The following MEIG1 variants were observed in gnomAD, a reference collection of about 807,000 sequenced individuals.
The protein encoded by MEIG1 is meiosis expressed gene 1 protein homolog.
A neutral mutation model predicts 11.3 loss-of-function variants in MEIG1; 12 were observed. That is an observed-to-expected ratio of 1.07 (90% CI 0.68 to 1.73). The LOEUF is 1.73. MEIG1 is among the 40% of genes most tolerant of loss of function. The pLI, the probability that MEIG1 is intolerant of heterozygous loss-of-function variation, is 0.00. For missense variants in MEIG1, 119 were observed against 104.9 expected, an observed-to-expected ratio of 1.13 and a Z score of -0.59; for synonymous variants, 41 against 33.2, an observed-to-expected ratio of 1.24 and a Z score of -0.81.
chr10:14,962,511 C>G (rs1363273454), intron 1 of MEIG1, among the ~76,000 whole-genome samples: 8 of 152,162 alleles, frequency 5.3e-5, no homozygotes, highest in Non-Finnish European at 1.2e-4. Flanking sequence ...AGCATATTTT[C>G]TGCTCTTCTA....
chr10:14,965,404 A>G (rs531175082), intron 1 of MEIG1, among the ~76,000 whole-genome samples: 1 of 152,326 alleles, frequency 6.6e-6, no homozygotes, highest in East Asian at 1.9e-4. Context: ...AAAGTCGTAT[A>G]TTAGACTTTC....
chr10:14,986,474 A>G (rs1413728213), intron 1 of MEIG1, among the ~76,000 whole-genome samples: 1 of 152,236 alleles, frequency 6.6e-6, no homozygotes. Context: ...ATACTGTACT[A>G]TCAAACACTA....
chr10:14,955,972 A>G (rs1198026442), upstream of MEIG1, among the ~76,000 whole-genome samples: 1 of 152,222 alleles, frequency 6.6e-6, no homozygotes, highest in Non-Finnish European at 1.5e-5. Flanking sequence ...TTCTGCTGTG[A>G]GTCTAGTGTC....
At chr10:14,955,080 C>T (rs560527068), upstream of MEIG1, among the ~76,000 whole-genome samples, 8 of 152,306 alleles carry the variant, frequency 5.3e-5, no homozygotes, top group East Asian at 1.4e-3. Flanking sequence ...TACAGGCACG[C>T]GCCGCCACGC....
chr10:14,960,899 C>A (rs1255292698), intron 1 of MEIG1, among the ~76,000 whole-genome samples: 1 of 152,062 alleles, frequency 6.6e-6, no homozygotes, highest in Non-Finnish European at 1.5e-5. Context: ...CATGGTGGCG[C>A]ATGCCTGTAA....
At chr10:14,982,194 C>T (rs1353854766) in intron 1 of MEIG1, among the ~76,000 whole-genome samples, 1 of 152,180 alleles carries the variant, frequency 6.6e-6, no homozygotes, top group Admixed American at 6.5e-5. Context: ...TGAATGACCT[C>T]AGAGACCTTG....
At chr10:14,958,426 G>A (rs1842973226), upstream of MEIG1, among the ~76,000 whole-genome samples, 1 of 152,120 alleles carries the variant, frequency 6.6e-6, no homozygotes, top group South Asian at 2.1e-4. Flanking sequence ...GCAGGTGCCC[G>A]AGGCCCTTGT....
At chr10:14,971,407 G>C (rs1246412155) in intron 2 of MEIG1, among the ~76,000 whole-genome samples, 3 of 151,910 alleles carry the variant, frequency 2.0e-5, no homozygotes, top group African/African-American at 7.3e-5. Flanking sequence ...TCTGGGCATG[G>C]TGGTGCTTAC....
At chr10:14,966,790 G>C (rs1843089572) in intron 2 of MEIG1, among the ~76,000 whole-genome samples, 184 bp downstream of exon 2, 1 of 152,014 alleles carries the variant, frequency 6.6e-6, no homozygotes, top group African/African-American at 2.4e-5. Flanking sequence ...ACCCAGGCTG[G>C]AGTGCAGTGA....
Position 14,966,703 on chromosome 10 carries a change from G to A in MEIG1, c.138+97G>A, listed in dbSNP as rs899560892. 3.7e-6 allele frequency: 4 copies of A among 1,070,412 alleles called. No homozygotes were observed. In the East Asian group the frequency reaches 1.1e-4, roughly 28 times the overall value. 66.3% of individuals were successfully genotyped at this position (1,070,412 alleles called of 1,614,324 possible). On this transcript the variant is annotated intron_variant, in intron 2 of 2. Coordinates refer to ENST00000407572, the MANE Select transcript of MEIG1 (RefSeq NM_001080836.3). ...ACCAGAGAATAACTGAAGGAAATTC[G>A]ACTCCAACTCTCTCATTTTATTTGT... is the stretch of plus-strand genomic sequence containing the variant.
intron 1 of MEIG1, among the ~76,000 whole-genome samples, chr10:14,981,229 C>A (rs1324071709): frequency 2.7e-5 from 4 of 148,324 alleles, no homozygotes; most frequent in Non-Finnish European, 5.9e-5. Context: ...AGCTGGTCTT[C>A]TCTCTTGGCC....
intron 1 of MEIG1, among the ~76,000 whole-genome samples, 170 bp downstream of exon 1, chr10:14,959,727 T>A (rs10752343): frequency 6.6e-6 from 1 of 152,218 alleles, no homozygotes; most frequent in African/African-American, 2.4e-5. Flanking sequence ...CCGTGATTTT[T>A]AGGGAAGAGG....
intron 1 of MEIG1, among the ~76,000 whole-genome samples, chr10:14,965,881 G>T (rs2131266653): frequency 1.3e-5 from 2 of 151,734 alleles, no homozygotes; most frequent in South Asian, 4.2e-4. Context: ...TATTGATAAA[G>T]AAAAAAACAG....
At chr10:14,965,081 G>A (rs1843064456) in intron 1 of MEIG1, among the ~76,000 whole-genome samples, 1 of 119,632 alleles carries the variant, frequency 8.4e-6, no homozygotes, top group South Asian at 3.0e-4. Flanking sequence ...ACCATGTCCA[G>A]CCTTTCCCTG....
At position 14,972,789 on chromosome 10, in the gene MEIG1, T is replaced by A; in HGVS notation, c.*148T>A. ...CACAAAAGCCATGAGAATTGGTATC[T>A]GCTAATCACCTTGTCCTGTTCTAAG... is the stretch of plus-strand genomic sequence containing the variant. On this transcript the variant is annotated 3_prime_UTR_variant, in exon 3 of 3. Coordinates refer to ENST00000407572, the MANE Select transcript of MEIG1 (RefSeq NM_001080836.3). The A allele has an allele frequency of 2.8e-6, 2 of 711,462 alleles. No homozygotes were observed. Among genetic ancestry groups the A allele is most frequent in the Non-Finnish European group, 4.5e-6 (2 of 445,076 alleles). 44.1% of individuals were successfully genotyped at this position (711,462 alleles called of 1,614,324 possible). A position where few individuals can be genotyped will look rare whatever the true frequency, so the allele number is the denominator to read the frequency against.
At chr10:14,962,796 G>A (rs1286223786) in intron 1 of MEIG1, among the ~76,000 whole-genome samples, 2 of 149,016 alleles carry the variant, frequency 1.3e-5, no homozygotes, top group Non-Finnish European at 3.0e-5. Flanking sequence ...AGACAGTCTC[G>A]CTCTGTCACC....
chr10:14,978,081 G>A (rs186128023), intron 1 of MEIG1, among the ~76,000 whole-genome samples: 120 of 151,750 alleles, frequency 7.9e-4, no homozygotes, highest in East Asian at 4.3e-3. Flanking sequence ...AATGTTATTC[G>A]TAATATCCTA....
Position 14,985,155 on chromosome 10 carries a change from G to A in MEIG1, n.67-1641G>A, listed in dbSNP as rs573221758. On this transcript the variant is annotated intron_variant and non_coding_transcript_variant, in intron 1 of 2. Transcript: ENST00000467536. ...TGTACACAGAGTCACACAGTGATAGGAGTTGTAATATTCTAGAGATATGTT... is the reference window on the plus strand; with the variant it reads ...TGTACACAGAGTCACACAGTGATAGAAGTTGTAATATTCTAGAGATATGTT... Among the ~76,000 whole-genome samples, 6 of 151,940 alleles carry A rather than the reference G, an allele frequency of 3.9e-5. No individual in the cohort carries two copies. The South Asian group carries it at 1.0e-3, about 26-fold the overall frequency.
chr10:14,966,539 T>C lies in MEIG1; in HGVS notation c.71T>C (p.Leu24Pro). ...AKKWSEEIEN[L>P]YRFQQAGYRD... ...AAATGGTCAGAAGAGATAGAAAATC[T>C]GTACAGATTTCAACAAGCAGGATAT... is the stretch of plus-strand genomic sequence containing the variant. Residue 24 changes from leucine to proline, a missense_variant, in exon 2 of 3, where the codon CTG becomes CCG. Coordinates refer to ENST00000407572, the MANE Select transcript of MEIG1 (RefSeq NM_001080836.3). The C allele has an allele frequency of 6.2e-7, 1 of 1,612,838 alleles. No individual in the cohort carries two copies. The highest frequency in any genetic ancestry group is 8.5e-7 in the Non-Finnish European group (1 of 1,179,524).
Sources: allele counts gnomAD v4.1 joint callset (sites outside exome capture counted in the v4.1 genomes callset), GRCh38; gene constraint gnomAD v4.1.1; transcripts MANE v1.5; gene names NCBI Gene and HGNC (gene_info 2026-07-23, HGNC 2026-07-21).